The following WFDC3 variants were observed in gnomAD, a reference collection of about 807,000 sequenced individuals.
WFDC3 encodes the protein WAP four-disulfide core domain 3, also known as WAP four-disulfide core domain protein 3.
A neutral mutation model predicts 25.8 loss-of-function variants in WFDC3; 15 were observed. That is an observed-to-expected ratio of 0.58 (90% confidence interval 0.39 to 0.89). The LOEUF is 0.89. Among genes scored for constraint, WFDC3 ranks in the 40% least tolerant of loss-of-function variants. The probability of loss-of-function intolerance (pLI) is 0.00; values close to 1 mark genes in which losing one functional copy is unlikely to be tolerated. For missense variants in WFDC3, 264 were observed against 289.8 expected (o/e 0.91, Z 0.65); for synonymous variants, 103 against 107.1 (o/e 0.96, Z 0.24).
At chr20:45,788,795 A>C in intron 3 of WFDC3, 136 bp downstream of exon 3, 2 of 1,251,420 alleles carry the variant, frequency 1.6e-6, no homozygotes, top group Non-Finnish European at 2.2e-6. Flanking sequence ...AGGGACCCTA[A>C]AAGAGTAAAG....
intron 5 of WFDC3, 122 bp downstream of exon 5, chr20:45,776,953 G>T: frequency 6.5e-7 from 1 of 1,528,244 alleles, no homozygotes; most frequent in Non-Finnish European, 8.9e-7. Flanking sequence ...AGAATGGGTT[G>T]CTTTGGGTTG....
At chr20:45,779,546 G>A (rs1488681050) in intron 4 of WFDC3, among the ~76,000 whole-genome samples, 1 of 152,022 alleles carries the variant, frequency 6.6e-6, no homozygotes, top group Non-Finnish European at 1.5e-5. Context: ...TGTGGTCACT[G>A]TAACCACCAA....
chr20:45,789,124 C>G, intron 2 of WFDC3, 65 bp from the exon 3 acceptor site: 1 of 1,590,996 alleles, frequency 6.3e-7, no homozygotes, highest in Admixed American at 1.8e-5. Flanking sequence ...AATGGACCTT[C>G]AGCCCCTCCA....
rs192673981 is a variant in WFDC3, at chr20:45,786,252, G to C, written c.358+1584C>G. ...TAAAAATACAAAAATTAGCCAGGTG[G>C]GGTGGCATGTGCCTGTAATCCCAGC... On this transcript the variant is annotated intron_variant, in intron 4 of 6. Transcript: ENST00000243938. Among the ~76,000 whole-genome samples the C allele has an allele frequency of 1.1e-3, 165 of 152,162 alleles. 4 individuals are homozygous for C. The East Asian group carries it at 0.02, about 18-fold the overall frequency.
chr20:45,787,093 C>CTCA (rs1568700969), intron 4 of WFDC3, among the ~76,000 whole-genome samples: 1 of 26,806 alleles, frequency 3.7e-5, no homozygotes, highest in Non-Finnish European at 6.6e-5. Flanking sequence ...GACTCTCTCT[C>CTCA]AAAAAAAAAA....
intron 4 of WFDC3, among the ~76,000 whole-genome samples, chr20:45,784,420 C>A (rs911486492): frequency 6.6e-6 from 1 of 152,202 alleles, no homozygotes; most frequent in African/African-American, 2.4e-5. Flanking sequence ...AGAAAACCAT[C>A]CTGGTTTTGA....
intron 4 of WFDC3, among the ~76,000 whole-genome samples, chr20:45,786,177 G>A (rs975041929): frequency 6.6e-6 from 1 of 152,188 alleles, no homozygotes; most frequent in African/African-American, 2.4e-5. Context: ...ATCACTTGAG[G>A]CCAGGAGTGT....
chr20:45,782,020 A>G (rs1445074057), intron 4 of WFDC3, among the ~76,000 whole-genome samples: 6 of 152,204 alleles, frequency 3.9e-5, no homozygotes, highest in Non-Finnish European at 7.3e-5. Flanking sequence ...CGTAAAAGAT[A>G]ATACATATAT....
chr20:45,786,876 C>T (rs1281230135), intron 4 of WFDC3, among the ~76,000 whole-genome samples: 3 of 151,882 alleles, frequency 2.0e-5, no homozygotes, highest in Non-Finnish European at 2.9e-5. Flanking sequence ...GGGTGGATCA[C>T]GAGGTCAGGA....
At chr20:45,779,834 G>A (rs1033080278) in intron 4 of WFDC3, 2 of 152,152 alleles carry the variant, frequency 1.3e-5, no homozygotes, top group African/African-American at 4.8e-5. Context: ...GACCAGGCAT[G>A]GAGCACTTAC....
Position 45,789,035 on chromosome 20 carries a change from T to A in WFDC3, c.107A>T (p.His36Leu). The change falls in exon 3 of 7, where the codon CAT becomes CTT. Residue 36 changes from histidine to leucine, a missense_variant. Transcript: ENST00000243938. ...GCACAGCTCTTTGCATGGGTTCTTA[T>A]GGGGAGGGCATTCTCCCTCTTTTGC... ...EHAKEGECPPHKNPCKELCQG... is the reference protein window; with the variant it reads ...EHAKEGECPPLKNPCKELCQG... 1.2e-6 allele frequency: 2 copies of A among 1,613,150 alleles called. No individual in the cohort carries two copies. Among genetic ancestry groups the A allele is most frequent in the Non-Finnish European group, 1.7e-6 (2 of 1,179,800 alleles).
At chr20:45,774,891 G>A (rs996093538) in intron 6 of WFDC3, among the ~76,000 whole-genome samples, 6 of 149,120 alleles carry the variant, frequency 4.0e-5, no homozygotes, top group East Asian at 4.0e-4. Context: ...GCAGTGAGTC[G>A]AGATTGTGCC....
chr20:45,780,261 G>A (rs1327613419), intron 4 of WFDC3, among the ~76,000 whole-genome samples: 1 of 151,712 alleles, frequency 6.6e-6, no homozygotes, highest in Non-Finnish European at 1.5e-5. Flanking sequence ...ATTTTTTATA[G>A]AGACAGGGTC....
At chr20:45,776,251 GGCATTGGAACAGGAAT>G (rs1980139224) in intron 5 of WFDC3, among the ~76,000 whole-genome samples, 1 of 149,000 alleles carries the variant, frequency 6.7e-6, no homozygotes, top group South Asian at 2.1e-4. Flanking sequence ...AAGAAAAAAA[GGCATTGGAACAGGAAT>G]GCTTTTATCT....
chr20:45,787,713 TC>T, intron 4 of WFDC3, 122 bp downstream of exon 4: 5 of 953,750 alleles, frequency 5.2e-6, no homozygotes, highest in South Asian at 3.8e-5. Context: ...CCTTTGTATA[TC>T]TTTTTTTTTT....
At chr20:45,774,734 G>A (rs1391658334) in intron 6 of WFDC3, among the ~76,000 whole-genome samples, 3 of 152,140 alleles carry the variant, frequency 2.0e-5, no homozygotes, top group Non-Finnish European at 4.4e-5. Flanking sequence ...CTGAGATCAG[G>A]AGCTCGAGAC....
At chr20:45,780,954 C>T (rs544388464) in intron 4 of WFDC3, among the ~76,000 whole-genome samples, 1 of 151,924 alleles carries the variant, frequency 6.6e-6, no homozygotes, top group Non-Finnish European at 1.5e-5. Context: ...TAAACCACAT[C>T]ATGGGCCTGG....
chr20:45,784,067 G>C (rs1980567849), intron 4 of WFDC3, among the ~76,000 whole-genome samples: 1 of 152,180 alleles, frequency 6.6e-6, no homozygotes, highest in Admixed American at 6.5e-5. Context: ...GCTCACAAAG[G>C]TACTGTGCCT....
At chr20:45,779,848 T>A (rs1311153643) in intron 4 of WFDC3, 2 of 152,210 alleles carry the variant, frequency 1.3e-5, no homozygotes, top group Non-Finnish European at 2.9e-5. Flanking sequence ...CACTTACCTC[T>A]ACCCTTTTCC....
Sources: gnomAD v4.1 joint callset for allele counts (sites outside exome capture counted in the v4.1 genomes callset) on GRCh38, gnomAD v4.1.1 for gene constraint, MANE v1.5 for transcripts, NCBI Gene and HGNC (gene_info 2026-07-23, HGNC 2026-07-21) for gene names.